Variants in NRXN1 observed in about 807,000 individuals in gnomAD.
NRXN1 encodes the protein neurexin 1.
In NRXN1, 39 loss-of-function variants were observed where a neutral mutation model predicts 150.9. The observed-to-expected ratio is 0.26, with a 90% confidence interval of 0.20 to 0.34. NRXN1 has a LOEUF of 0.34. NRXN1 is among the 10% of genes least tolerant of loss of function. The probability of loss-of-function intolerance (pLI) is 1.00; values close to 1 mark genes in which losing one functional copy is unlikely to be tolerated. For synonymous variants in NRXN1, 924 were observed against 757.0 expected (o/e 1.22, Z -3.62); for missense variants, 1,815 against 1,949.9 (o/e 0.93, Z 1.30).
At chr2:50,662,725 T>C (rs1288851379) in intron 5 of NRXN1, among the ~76,000 whole-genome samples, 2 of 151,976 alleles carry the variant, frequency 1.3e-5, no homozygotes, top group Non-Finnish European at 2.9e-5. Flanking sequence ...AAGTAGTAAA[T>C]CCTGAACCTC....
At chr2:50,012,021 A>C (rs1454905312) in intron 21 of NRXN1, among the ~76,000 whole-genome samples, 1 of 152,112 alleles carries the variant, frequency 6.6e-6, no homozygotes, top group African/African-American at 2.4e-5. Flanking sequence ...GGCAAACATA[A>C]TAGCCCAGGG....
At chr2:51,027,473 G>T in intron 2 of NRXN1, 29 bp downstream of exon 2, 2 of 1,486,898 alleles carry the variant, frequency 1.3e-6, no homozygotes, top group Non-Finnish European at 8.9e-7. Flanking sequence ...CCAGGCCCCG[G>T]CCCCCGTGGG....
intron 21 of NRXN1, chr2:50,023,301 A>G (rs929503680): frequency 2.0e-5 from 3 of 152,286 alleles, no homozygotes; most frequent in South Asian, 2.1e-4. Flanking sequence ...TTTAACCTCC[A>G]TCACTTCTCT....
At chr2:50,988,290 T>C (rs1297860511) in intron 2 of NRXN1, among the ~76,000 whole-genome samples, 1 of 151,966 alleles carries the variant, frequency 6.6e-6, no homozygotes, top group Non-Finnish European at 1.5e-5. Flanking sequence ...TTAACTCATC[T>C]AGTAAAGTAC....
intron 17 of NRXN1, among the ~76,000 whole-genome samples, chr2:50,418,604 T>C (rs903313648): frequency 1.3e-5 from 2 of 152,068 alleles, no homozygotes; most frequent in Non-Finnish European, 2.9e-5. Context: ...TCTCTGATTT[T>C]AAAATTTTCA....
chr2:50,033,227 T>C (rs1055804649), intron 21 of NRXN1, among the ~76,000 whole-genome samples: 3 of 151,888 alleles, frequency 2.0e-5, no homozygotes, highest in Non-Finnish European at 4.4e-5. Context: ...TTTCAAAGAA[T>C]ACTACAGGGC....
In NRXN1 at chr2:50,346,692, G is replaced by A. The variant is rs758025930; in HGVS notation, c.3365-109722C>T. ...GAGAACTTGGCATCGCAGACCCACC[G>A]TGTCCGCCTCGCAAGGATGCCGGTG... On this transcript the variant is annotated intron_variant, in intron 17 of 22. Transcript: ENST00000401669. The surrounding 1 kb of genome is among the most constrained non-coding windows in gnomAD (Gnocchi z 5.0). The A allele has an allele frequency of 1.2e-6, 2 of 1,613,200 alleles. No individual in the cohort carries two copies. Among genetic ancestry groups the A allele is most frequent in the Middle Eastern group, 1.7e-4 (1 of 6,058 alleles).
At chr2:50,081,718 T>C (rs1170860478) in intron 19 of NRXN1, among the ~76,000 whole-genome samples, 1 of 152,166 alleles carries the variant, frequency 6.6e-6, no homozygotes, top group Non-Finnish European at 1.5e-5. Flanking sequence ...GTTTTAAAAA[T>C]TGTTCATCAT....
chr2:50,855,092 G>A lies in NRXN1; in HGVS notation c.832+66777C>T, dbSNP rs1675080684. Among the ~76,000 whole-genome samples the A allele has an allele frequency of 2.6e-5, 4 of 152,098 alleles. No individual in the cohort carries two copies. The South Asian group carries it at 8.3e-4, about 32-fold the overall frequency. On this transcript the variant is annotated intron_variant, in intron 5 of 22. Coordinates refer to ENST00000401669, the MANE Select transcript of NRXN1 (RefSeq NM_001330078.2). Reference sequence around the variant, plus strand: ...AGATTAACTACCAAATATTAATAGTGTGTGACTGTTAAGAGGAAGAACGTG... The same window carrying A: ...AGATTAACTACCAAATATTAATAGTATGTGACTGTTAAGAGGAAGAACGTG...
intron 8 of NRXN1, among the ~76,000 whole-genome samples, chr2:50,584,465 A>T (rs1672779128): frequency 1.3e-5 from 2 of 152,192 alleles, no homozygotes; most frequent in African/African-American, 4.8e-5. Context: ...AGTTCTATTT[A>T]TTCCCTACCA....
At chr2:50,737,008 A>T (rs1475903724) in intron 5 of NRXN1, among the ~76,000 whole-genome samples, 1 of 152,152 alleles carries the variant, frequency 6.6e-6, no homozygotes, top group Non-Finnish European at 1.5e-5. Flanking sequence ...CTGTAATCCC[A>T]GCACTTTGGG....
chr2:50,046,249 C>A (rs1468628347), intron 21 of NRXN1, among the ~76,000 whole-genome samples: 1 of 152,158 alleles, frequency 6.6e-6, no homozygotes, highest in African/African-American at 2.4e-5. Context: ...TCATGGACCT[C>A]ACGATAACTC....
chr2:50,280,184 A>G (rs947886834), intron 17 of NRXN1, among the ~76,000 whole-genome samples: 1 of 151,340 alleles, frequency 6.6e-6, no homozygotes, highest in Admixed American at 6.6e-5. Flanking sequence ...AATCTGAGGC[A>G]GGAGAATGGC....
chr2:50,312,936 G>A (rs973458874), intron 17 of NRXN1, among the ~76,000 whole-genome samples: 1 of 152,052 alleles, frequency 6.6e-6, no homozygotes, highest in Non-Finnish European at 1.5e-5. Flanking sequence ...GGAGTTCTTG[G>A]GGCTTTCTTG....
At chr2:50,717,944 G>A (rs1438429124) in intron 5 of NRXN1, among the ~76,000 whole-genome samples, 2 of 152,160 alleles carry the variant, frequency 1.3e-5, no homozygotes, top group African/African-American at 4.8e-5. Flanking sequence ...AATATACATT[G>A]AGGGTTAGGA....
intron 5 of NRXN1, among the ~76,000 whole-genome samples, chr2:50,782,394 T>C (rs897825396): frequency 2.0e-5 from 3 of 151,850 alleles, no homozygotes; most frequent in Non-Finnish European, 4.4e-5. Flanking sequence ...CACTTGAACC[T>C]GGGAAAAGGG....
intron 18 of NRXN1, among the ~76,000 whole-genome samples, chr2:50,222,640 G>C (rs1389826864): frequency 6.6e-6 from 1 of 151,816 alleles, no homozygotes; most frequent in Non-Finnish European, 1.5e-5. Context: ...CCCATCATTA[G>C]GGTCTGCTAC....
intron 2 of NRXN1, among the ~76,000 whole-genome samples, chr2:51,002,135 CA>C (rs1403496616): frequency 6.6e-6 from 1 of 152,016 alleles, no homozygotes. Flanking sequence ...CACTTCCTTA[CA>C]AAGGCCTCCA....
At chr2:50,961,168 C>T (rs996111792) in intron 2 of NRXN1, among the ~76,000 whole-genome samples, 9 of 151,788 alleles carry the variant, frequency 5.9e-5, no homozygotes, top group Admixed American at 4.0e-4. Context: ...TTGTTTCTCT[C>T]GATAATCCTG....
Sources: allele counts gnomAD v4.1 joint callset (sites outside exome capture counted in the v4.1 genomes callset), GRCh38; gene constraint gnomAD v4.1.1; non-coding constraint Gnocchi (gnomAD v3.1); transcripts MANE v1.5; gene names NCBI Gene and HGNC (gene_info 2026-07-23, HGNC 2026-07-21).